MYO1D: variants seen among roughly 807,000 people sequenced by gnomAD.
MYO1D encodes the protein myosin ID.
In MYO1D, 83 loss-of-function variants were observed where a neutral mutation model predicts 122.0. That is an observed-to-expected ratio of 0.68 (90% CI 0.57 to 0.82). MYO1D has a LOEUF of 0.82. Among genes scored for constraint, MYO1D ranks in the 40% least tolerant of loss-of-function variants. MYO1D has a pLI of 0.00. For missense variants in MYO1D, 1,157 were observed against 1,269.5 expected, an observed-to-expected ratio of 0.91 and a Z score of 1.35; for synonymous variants, 464 against 446.9, an observed-to-expected ratio of 1.04 and a Z score of -0.48.
intron 1 of MYO1D, among the ~76,000 whole-genome samples, chr17:32,788,011 G>A (rs919330473): frequency 3.9e-5 from 6 of 152,204 alleles, no homozygotes; most frequent in Middle Eastern, 3.4e-3. Flanking sequence ...GGGCATTTAG[G>A]TTGGTTTCAT....
chr17:32,762,397 T>C (rs2090010497), intron 8 of MYO1D, among the ~76,000 whole-genome samples: 1 of 152,170 alleles, frequency 6.6e-6, no homozygotes, highest in African/African-American at 2.4e-5. Context: ...TGGATTTTAT[T>C]TTCTCAACAC....
At chr17:32,697,141 T>G (rs1182712529) in intron 16 of MYO1D, among the ~76,000 whole-genome samples, 1 of 152,202 alleles carries the variant, frequency 6.6e-6, no homozygotes, top group East Asian at 1.9e-4. Context: ...ATTTCACTGG[T>G]TTGGGTGCAC....
intron 21 of MYO1D, among the ~76,000 whole-genome samples, chr17:32,547,452 C>T (rs1485989304): frequency 6.6e-6 from 1 of 152,198 alleles, no homozygotes; most frequent in African/African-American, 2.4e-5. Context: ...TAAATAAATG[C>T]CACGCTTTTC....
chr17:32,652,752 G>A (rs1466041501), intron 19 of MYO1D, among the ~76,000 whole-genome samples: 1 of 152,084 alleles, frequency 6.6e-6, no homozygotes, highest in East Asian at 1.9e-4. Context: ...TACATTCATA[G>A]CAGGTAACTT....
intron 1 of MYO1D, among the ~76,000 whole-genome samples, chr17:32,815,499 G>T (rs2090606032): frequency 6.6e-6 from 1 of 152,156 alleles, no homozygotes; most frequent in Non-Finnish European, 1.5e-5. Flanking sequence ...AAATTTTCAT[G>T]TTAGTTCTTA....
chr17:32,507,688 C>T (rs550464123), intron 21 of MYO1D, among the ~76,000 whole-genome samples: 2 of 152,302 alleles, frequency 1.3e-5, no homozygotes, highest in East Asian at 3.9e-4. Context: ...AAGACCTAGC[C>T]TTCAACACCA....
chr17:32,831,624 C>T (rs182084005), intron 1 of MYO1D, among the ~76,000 whole-genome samples: 74 of 152,262 alleles, frequency 4.9e-4, no homozygotes, highest in Admixed American at 4.8e-3. Flanking sequence ...ACAAGGTAAA[C>T]AGCAATGTAA....
chr17:32,646,657 C>T (rs2088299249), intron 19 of MYO1D, among the ~76,000 whole-genome samples: 1 of 152,052 alleles, frequency 6.6e-6, no homozygotes, highest in South Asian at 2.1e-4. Flanking sequence ...CTAAAAACAA[C>T]AAACGAAAAC....
At chr17:32,875,968 C>G (rs555235562) in intron 1 of MYO1D, among the ~76,000 whole-genome samples, 1 of 152,272 alleles carries the variant, frequency 6.6e-6, no homozygotes, top group East Asian at 1.9e-4. Flanking sequence ...ATGTAAAGGG[C>G]TTTCTAAAAC....
chr17:32,568,913 C>T (rs2087198162), intron 21 of MYO1D, among the ~76,000 whole-genome samples: 1 of 152,206 alleles, frequency 6.6e-6, no homozygotes, highest in South Asian at 2.1e-4. Context: ...TGGACACAGT[C>T]ATCATTTGTT....
chr17:32,517,607 G>A (rs746345385), intron 21 of MYO1D, among the ~76,000 whole-genome samples: 3 of 152,004 alleles, frequency 2.0e-5, no homozygotes, highest in African/African-American at 4.8e-5. Flanking sequence ...AAAGCTCCCT[G>A]GGTGATTTTC....
At chr17:32,744,347 C>T (rs1035620942) in intron 13 of MYO1D, among the ~76,000 whole-genome samples, 4 of 152,146 alleles carry the variant, frequency 2.6e-5, no homozygotes, top group African/African-American at 9.7e-5. Flanking sequence ...CCTTCCCAGC[C>T]CCTCCTCATC....
Position 32,574,729 on chromosome 17 carries a change from C to G in MYO1D, c.2864+30358G>C, listed in dbSNP as rs62062514. On this transcript the variant is annotated intron_variant, in intron 21 of 21. Coordinates refer to ENST00000318217, the MANE Select transcript of MYO1D (RefSeq NM_015194.3). ...TTGAGAAAACAAAAGTAAAGGTACA[C>G]GAGGTGCAGCTGAAGCCCTCTCAAA... 3.6e-3 allele frequency among the ~76,000 whole-genome samples: 550 copies of G among 152,256 alleles called. 7 individuals are homozygous for G. In the South Asian group the frequency reaches 0.049, roughly 14 times the overall value.
rs1429640956 is a variant in MYO1D at position 32,868,906 on chromosome 17, T to C, written c.95+7872A>G. Among the ~76,000 whole-genome samples, 5 of 152,142 alleles carry C rather than the reference T, an allele frequency of 3.3e-5. No individual in the cohort carries two copies. The East Asian group carries it at 7.7e-4, about 23-fold the overall frequency. On this transcript the variant is annotated intron_variant, in intron 1 of 21. Coordinates refer to ENST00000318217, the MANE Select transcript of MYO1D (RefSeq NM_015194.3). ...GCTCAAAACTAAAGTTTGGAAAACA[T>C]TGTTCTATTCAAGAGATCTTGGCTG...
intron 11 of MYO1D, among the ~76,000 whole-genome samples, chr17:32,752,161 AAAAT>A (rs764322945): frequency 1.3e-5 from 2 of 152,252 alleles, no homozygotes; most frequent in Non-Finnish European, 2.9e-5. Flanking sequence ...AAAGTTGACA[AAAAT>A]AAACAATGGA....
intron 21 of MYO1D, among the ~76,000 whole-genome samples, chr17:32,580,900 G>C (rs1210625415): frequency 6.6e-6 from 1 of 152,150 alleles, no homozygotes. Context: ...AATGGACATT[G>C]GTCTGTAGTT....
chr17:32,701,422 A>T (rs1008436814), intron 16 of MYO1D, among the ~76,000 whole-genome samples: 3 of 152,236 alleles, frequency 2.0e-5, no homozygotes, highest in Admixed American at 1.3e-4. Flanking sequence ...TAAACATCAT[A>T]TTGCTATCAA....
At chr17:32,846,041 A>C (rs113042107) in intron 1 of MYO1D, among the ~76,000 whole-genome samples, 1 of 152,126 alleles carries the variant, frequency 6.6e-6, no homozygotes, top group Non-Finnish European at 1.5e-5. Flanking sequence ...AGGGTGATAG[A>C]GTGAACTCTG....
intron 16 of MYO1D, among the ~76,000 whole-genome samples, chr17:32,692,201 T>G (rs1024712551): frequency 6.6e-6 from 1 of 152,236 alleles, no homozygotes; most frequent in African/African-American, 2.4e-5. Flanking sequence ...TGTTTTAGGT[T>G]AGCAAAACTT....
Sources: allele counts gnomAD v4.1 joint callset (sites outside exome capture counted in the v4.1 genomes callset), GRCh38; gene constraint gnomAD v4.1.1; transcripts MANE v1.5; gene names NCBI Gene and HGNC (gene_info 2026-07-23, HGNC 2026-07-21).